SPAG9: variants seen among roughly 807,000 people sequenced by gnomAD.
SPAG9 encodes the protein sperm associated antigen 9.
In SPAG9, 35 loss-of-function variants were observed where a neutral mutation model predicts 166.5. The observed-to-expected ratio is 0.21, with a 90% CI of 0.16 to 0.28. The LOEUF is 0.28. Ranked by LOEUF, SPAG9 falls within the 10% of genes least tolerant of loss-of-function variation. SPAG9 has a pLI of 1.00. For missense variants in SPAG9, 1,235 were observed against 1,603.3 expected, an observed-to-expected ratio of 0.77 and a Z score of 3.92; for synonymous variants, 534 against 565.5, an observed-to-expected ratio of 0.94 and a Z score of 0.79.
Position 51,096,636 on chromosome 17 carries a change from T to G in SPAG9, c.304-16932A>C, listed in dbSNP as rs74254354. Among the ~76,000 whole-genome samples the G allele has an allele frequency of 8.3e-3, 1,270 of 152,270 alleles. 48 individuals are homozygous for G. In the East Asian group the frequency reaches 0.13, roughly 16 times the overall value. ...GCACCGAATGTTACTACAACAACAT[T>G]TGTAATATATAATGTGGTAATGAAG... is the stretch of plus-strand genomic sequence containing the variant. On this transcript the variant is annotated intron_variant, in intron 1 of 29. Coordinates refer to ENST00000262013, the MANE Select transcript of SPAG9 (RefSeq NM_001130528.3).
At chr17:51,082,712 T>C (rs2048199414) in intron 1 of SPAG9, among the ~76,000 whole-genome samples, 1 of 152,222 alleles carries the variant, frequency 6.6e-6, no homozygotes, top group Admixed American at 6.5e-5. Context: ...AACTTAGGTA[T>C]CACTACAATA....
chr17:50,991,764 C>T (rs915216162), intron 19 of SPAG9, among the ~76,000 whole-genome samples: 1 of 151,708 alleles, frequency 6.6e-6, no homozygotes, highest in Admixed American at 6.6e-5. Context: ...GCTGCGATTA[C>T]AAGCGCCTGC....
At chr17:51,067,855 C>A (rs948777472) in intron 2 of SPAG9, among the ~76,000 whole-genome samples, 1 of 152,110 alleles carries the variant, frequency 6.6e-6, no homozygotes, top group African/African-American at 2.4e-5. Context: ...TCTTTCTATC[C>A]GTCTTTCCAA....
intron 2 of SPAG9, among the ~76,000 whole-genome samples, chr17:51,069,440 CAG>C (rs2047759873): frequency 6.6e-6 from 1 of 152,022 alleles, no homozygotes; most frequent in African/African-American, 2.4e-5. Flanking sequence ...AAAACAGCGA[CAG>C]AAAATATTTA....
rs373901137 is a variant in SPAG9 at position 51,120,662 on chromosome 17, C to A, written c.-6G>T. 7 of 1,580,408 alleles carry A rather than the reference C, an allele frequency of 4.4e-6. No homozygotes were observed. The Admixed American group carries it at 1.3e-4, about 28-fold the overall frequency. ...ACACCGTCCTCCAGCTCCATGGTGG[C>A]AAGCGGACGGGCGGGCGGCCCGGGG... On this transcript the variant is annotated 5_prime_UTR_variant, in exon 1 of 30. Transcript: ENST00000262013. The surrounding 1 kb of genome is among the most constrained non-coding windows in gnomAD (Gnocchi z 4.7).
Position 50,989,668 on chromosome 17 carries a change from T to G in SPAG9, c.2813+9A>C. 6.2e-7 allele frequency: 1 copy of G among 1,612,684 alleles called. No homozygotes were observed. The highest frequency in any genetic ancestry group is 8.5e-7 in the Non-Finnish European group (1 of 1,178,784). On this transcript the variant is annotated intron_variant, in intron 21 of 29. Transcript: ENST00000262013. ...CCCAGTTGCCTAAGTTGATGACCCA[T>G]TATTATACCTCGACTGATACACTGG...
In SPAG9 at chr17:50,996,358, C is replaced by G. The variant is rs3786005; in HGVS notation, c.1968+207G>C. On this transcript the variant is annotated intron_variant, in intron 16 of 29. Transcript: ENST00000262013. ...AGCCACCCTTTATTGACTCCTCCCC[C>G]CCTCACAGACTCAGAGCATTTCATT... The G allele has an allele frequency of 8.7e-4, 484 of 556,478 alleles. 10 individuals are homozygous for G. Among genetic ancestry groups the G allele is most frequent in the South Asian group, 5.7e-3 (232 of 40,506 alleles). 34.5% of individuals were successfully genotyped at this position (556,478 alleles called of 1,614,324 possible). A position where few individuals can be genotyped will look rare whatever the true frequency, so the allele number is the denominator to read the frequency against.
intron 29 of SPAG9, among the ~76,000 whole-genome samples, chr17:50,968,428 TCA>T (rs1482403957): frequency 6.6e-6 from 1 of 152,176 alleles, no homozygotes; most frequent in Non-Finnish European, 1.5e-5. Context: ...GTCCAAGGGA[TCA>T]GTTTATTTAT....
intron 1 of SPAG9, among the ~76,000 whole-genome samples, chr17:51,115,853 G>GAAAAGA (rs1036749698): frequency 7.5e-6 from 1 of 133,216 alleles, no homozygotes; most frequent in Non-Finnish European, 1.8e-5. Flanking sequence ...GAAAAGAAAA[G>GAAAAGA]AAAAGAAAAA....
At chr17:51,119,020 T>A (rs2049386290) in intron 1 of SPAG9, among the ~76,000 whole-genome samples, 1 of 122,484 alleles carries the variant, frequency 8.2e-6, no homozygotes, top group African/African-American at 3.2e-5. Context: ...GGCGACAGAG[T>A]GAGACTACGT....
chr17:51,042,456 T>TAC (rs2046875590), intron 4 of SPAG9: 1 of 152,118 alleles, frequency 6.6e-6, no homozygotes, highest in Non-Finnish European at 1.5e-5. Context: ...GAAACAAGCC[T>TAC]ACTAACGGGT....
intron 1 of SPAG9, among the ~76,000 whole-genome samples, chr17:51,094,649 T>G (rs2048561637): frequency 6.6e-6 from 1 of 152,192 alleles, no homozygotes; most frequent in Non-Finnish European, 1.5e-5. Context: ...ATAGCACCAT[T>G]TCCCAACCCC....
intron 28 of SPAG9, among the ~76,000 whole-genome samples, chr17:50,973,786 G>A (rs1973998796): frequency 6.6e-6 from 1 of 152,194 alleles, no homozygotes; most frequent in Admixed American, 6.5e-5. Context: ...GGGATCCAGA[G>A]GAAAGAGAAA....
At chr17:51,053,857 ATATATATATATATATATATAT>A (rs2047268684) in intron 3 of SPAG9, among the ~76,000 whole-genome samples, 1 of 36,582 alleles carries the variant, frequency 2.7e-5, no homozygotes, top group Non-Finnish European at 4.5e-5. Flanking sequence ...AAAAAAAAGT[ATATATATATATATATATATAT>A]ATATATATAT....
At chr17:51,025,316 CAAAAAAAAAAAAAAAAA>C (rs10549685) in intron 6 of SPAG9, among the ~76,000 whole-genome samples, 3 of 61,110 alleles carry the variant, frequency 4.9e-5, no homozygotes, top group African/African-American at 1.6e-4. Context: ...GACTCTGTCT[CAAAAAAAAAAAAAAAAA>C]AAAAAAAAAA....
intron 4 of SPAG9, chr17:51,046,870 C>A: frequency 6.6e-7 from 1 of 1,526,448 alleles, no homozygotes; most frequent in Non-Finnish European, 8.8e-7. Context: ...CTGCTCCTAG[C>A]ATTTATGCAG....
At chr17:50,974,025 G>C (rs894579356) in intron 28 of SPAG9, among the ~76,000 whole-genome samples, 7 of 152,138 alleles carry the variant, frequency 4.6e-5, no homozygotes, top group African/African-American at 1.7e-4. Flanking sequence ...AGTTGGTGGG[G>C]GAAAGTCAGA....
intron 19 of SPAG9, among the ~76,000 whole-genome samples, chr17:50,992,391 TAAA>T (rs1339370829): frequency 6.6e-6 from 1 of 152,166 alleles, no homozygotes; most frequent in Non-Finnish European, 1.5e-5. Context: ...ATTGTACTCT[TAAA>T]AATTTGTTAA....
chr17:51,120,241 A>AGGCC lies in SPAG9; in HGVS notation c.303+109_303+112dup. Reference sequence around the variant, plus strand: ...ATCGGTCCCAGGGGGCATCGGCCTCAGGCCCGCCCTCCAGGAGGCCCGTCG... The same window carrying AGGCC: ...ATCGGTCCCAGGGGGCATCGGCCTCAGGCCGGCCCGCCCTCCAGGAGGCCCGTCG... On this transcript the variant is annotated intron_variant, in intron 1 of 29. Coordinates refer to ENST00000262013, the MANE Select transcript of SPAG9 (RefSeq NM_001130528.3). This position sits in a 1 kb window ranked among gnomAD's most constrained non-coding sequence, Gnocchi z 4.7. 1.0e-6 allele frequency: 1 copy of AGGCC among 955,454 alleles called. No homozygotes were observed. Among genetic ancestry groups the AGGCC allele is most frequent in the South Asian group, 1.9e-5 (1 of 53,116 alleles). 59.2% of individuals were successfully genotyped at this position (955,454 alleles called of 1,614,324 possible).
Sources: allele counts gnomAD v4.1 joint callset (sites outside exome capture counted in the v4.1 genomes callset), GRCh38; gene constraint gnomAD v4.1.1; non-coding constraint Gnocchi (gnomAD v3.1); transcripts MANE v1.5; gene names NCBI Gene and HGNC (gene_info 2026-07-23, HGNC 2026-07-21).